ARHGEF28: variants seen among roughly 807,000 people sequenced by gnomAD.
ARHGEF28 encodes 190 kDa guanine nucleotide exchange factor.
A neutral mutation model predicts 206.6 loss-of-function variants in ARHGEF28; 152 were observed. That is an observed-to-expected ratio of 0.74 (90% CI 0.64 to 0.84). The LOEUF (loss-of-function observed/expected upper bound fraction) is 0.84, where lower values mean the gene tolerates loss of function less well. Ranked by LOEUF, ARHGEF28 falls within the 40% of genes least tolerant of loss-of-function variation. ARHGEF28 has a pLI of 0.00. For synonymous variants in ARHGEF28, 763 were observed against 776.4 expected, an observed-to-expected ratio of 0.98 and a Z score of 0.29; for missense variants, 2,028 against 2,073.2, an observed-to-expected ratio of 0.98 and a Z score of 0.42.
intron 9 of ARHGEF28, among the ~76,000 whole-genome samples, chr5:73,819,109 C>A (rs1580662306): frequency 6.6e-6 from 1 of 152,106 alleles, no homozygotes; most frequent in Non-Finnish European, 1.5e-5. Flanking sequence ...GCAGGATGTT[C>A]CTTCTAAGCA....
At chr5:73,653,897 T>C (rs537674692) in intron 1 of ARHGEF28, among the ~76,000 whole-genome samples, 1 of 152,194 alleles carries the variant, frequency 6.6e-6, no homozygotes, top group Non-Finnish European at 1.5e-5. Context: ...ATATGTGGTA[T>C]GCAGGGATAC....
chr5:73,720,020 C>T (rs945444869), intron 2 of ARHGEF28, among the ~76,000 whole-genome samples: 1 of 152,144 alleles, frequency 6.6e-6, no homozygotes, highest in Non-Finnish European at 1.5e-5. Context: ...GCACAGATTC[C>T]AATATTAATT....
Position 73,882,580 on chromosome 5 carries a change from C to A in ARHGEF28, c.2923C>A (p.Gln975Lys). ...AGAACTCCAGCAGAATAAAAAGTTT[C>A]AGAATTTTATTAAGGCAAGTATTTT... ...FKELQQNKKF[Q>K]NFIKLRNSNL... Residue 975 changes from glutamine to lysine, a missense_variant, in exon 23 of 36, where the codon CAG becomes AAG. Around this residue, in one of 3 missense-constraint regions of ARHGEF28, gnomAD observed 223 missense variants for 289.9 expected, o/e 0.77. Transcript: ENST00000513042. 1 of 1,494,170 alleles carries A rather than the reference C, an allele frequency of 6.7e-7. No individual in the cohort carries two copies. Among genetic ancestry groups the A allele is most frequent in the South Asian group, 1.3e-5 (1 of 74,768 alleles). 92.6% of individuals were successfully genotyped at this position (1,494,170 alleles called of 1,614,324 possible).
At chr5:73,702,954 G>T (rs780789032) in intron 2 of ARHGEF28, among the ~76,000 whole-genome samples, 1 of 152,180 alleles carries the variant, frequency 6.6e-6, no homozygotes, top group African/African-American at 2.4e-5. Flanking sequence ...AGTTGAGATA[G>T]CAAGAGTTTA....
chr5:73,876,124 G>A (rs1178921186), intron 22 of ARHGEF28, among the ~76,000 whole-genome samples: 2 of 149,696 alleles, frequency 1.3e-5, no homozygotes, highest in African/African-American at 5.0e-5. Context: ...TCTCCTTGAA[G>A]AGGTGCTTCA....
At chr5:73,732,398 A>T (rs1580539068) in intron 2 of ARHGEF28, among the ~76,000 whole-genome samples, 2 of 150,946 alleles carry the variant, frequency 1.3e-5, no homozygotes, top group African/African-American at 4.9e-5. Context: ...TCATGACTTG[A>T]TAGCTCATTT....
intron 2 of ARHGEF28, among the ~76,000 whole-genome samples, chr5:73,701,771 AGTT>A (rs1201930043): frequency 6.6e-6 from 1 of 152,100 alleles, no homozygotes; most frequent in East Asian, 1.9e-4. Flanking sequence ...AGAAACAACC[AGTT>A]GTTGTGCGTA....
At chr5:73,763,183 G>A (rs1752702904) in intron 4 of ARHGEF28, among the ~76,000 whole-genome samples, 1 of 151,994 alleles carries the variant, frequency 6.6e-6, no homozygotes, top group African/African-American at 2.4e-5. Context: ...CTCCAGATAT[G>A]GCAGCATCTT....
rs1262293484 is a variant in ARHGEF28 at position 73,893,301 on chromosome 5, C to A, written c.3658+13C>A. The stretch of plus-strand genomic sequence containing the variant: ...CAGCAATGTCAAGGTACAGTGCAGG[C>A]ACTTCTGGCTCCCTGGTCGTGGTGT... On this transcript the variant is annotated intron_variant, in intron 28 of 35. Coordinates refer to ENST00000513042, the MANE Select transcript of ARHGEF28 (RefSeq NM_001177693.2). The A allele has an allele frequency of 1.3e-6, 2 of 1,534,084 alleles. No individual in the cohort carries two copies. The highest frequency in any genetic ancestry group is 4.1e-5 in the Admixed American group (2 of 48,560).
At chr5:73,714,498 A>G (rs564965538) in intron 2 of ARHGEF28, among the ~76,000 whole-genome samples, 2 of 152,314 alleles carry the variant, frequency 1.3e-5, no homozygotes, top group East Asian at 1.9e-4. Flanking sequence ...AATGCCCAGG[A>G]AAGTCCAAGG....
chr5:73,719,869 C>T (rs1018766861), intron 2 of ARHGEF28, among the ~76,000 whole-genome samples: 23 of 152,182 alleles, frequency 1.5e-4, no homozygotes, highest in African/African-American at 5.3e-4. Flanking sequence ...CTAGTGTAAT[C>T]GAGGCAAGGC....
intron 2 of ARHGEF28, among the ~76,000 whole-genome samples, chr5:73,731,221 T>G (rs60832979): frequency 0.025 from 3,756 of 152,240 alleles, 146 homozygotes; most frequent in African/African-American, 0.086. Flanking sequence ...TCAAAAGGTT[T>G]GGAGTTGTAT....
At position 73,671,719 on chromosome 5, in the gene ARHGEF28, TATATATATATATATATATA is replaced by T. The variant is rs1339943185; in HGVS notation, c.-11-13121_-11-13103del. Among the ~76,000 whole-genome samples, 88 of 11,482 alleles carry T rather than the reference TATATATATATATATATATA, an allele frequency of 7.7e-3. 1 individual carries two copies. The highest frequency in any genetic ancestry group is 0.031 in the African/African-American group (80 of 2,550). The allele number at this position is 11,482 out of a possible 152,430, so 7.5% of individuals were successfully genotyped here. A position where few individuals can be genotyped will look rare whatever the true frequency, so the allele number is the denominator to read the frequency against. On this transcript the variant is annotated intron_variant, in intron 1 of 35. Transcript: ENST00000513042. ...TTATATATATATATATATATATATA[TATATATATATATATATATA>T]TTTTTTTTTTTTTTTTTTTTTTTTT...
At position 73,898,072 on chromosome 5, in the gene ARHGEF28, G is replaced by C; in HGVS notation, c.3952G>C (p.Val1318Leu). 1 of 1,612,224 alleles carries C rather than the reference G, an allele frequency of 6.2e-7. No homozygotes were observed. Among genetic ancestry groups the C allele is most frequent in the Non-Finnish European group, 8.5e-7 (1 of 1,179,222 alleles). ...GGCGGACACACTCAGTTCTCATGAT[G>C]TACCAGGATCACCGACTGCCTGTAA... ...VLADTLSSHD[V>L]PGSPTASLVT... Residue 1318 changes from valine (V) to leucine (L), a missense_variant, in exon 30 of 36, where the codon GTA (valine) becomes CTA (leucine). Val to Leu is a conservative substitution (Grantham distance 32, BLOSUM62 1). Coordinates refer to ENST00000513042, the MANE Select transcript of ARHGEF28 (RefSeq NM_001177693.2).
chr5:73,780,947 C>A (rs146816051), intron 7 of ARHGEF28, among the ~76,000 whole-genome samples: 80 of 152,320 alleles, frequency 5.3e-4, no homozygotes, highest in Middle Eastern at 3.4e-3. Flanking sequence ...CTCCATTTAA[C>A]TGGAATGTCC....
chr5:73,899,051 T>G, intron 30 of ARHGEF28: 1 of 117,150 alleles, frequency 8.5e-6, no homozygotes, highest in Non-Finnish European at 1.8e-5. Flanking sequence ...AATTCTATAC[T>G]TCTTTTTTTT....
chr5:73,761,599 G>C (rs975653650), intron 4 of ARHGEF28, among the ~76,000 whole-genome samples: 1 of 152,118 alleles, frequency 6.6e-6, no homozygotes, highest in Non-Finnish European at 1.5e-5. Flanking sequence ...CCTTGGTGTG[G>C]GGATGAAGCT....
intron 35 of ARHGEF28, among the ~76,000 whole-genome samples, chr5:73,928,132 GA>G (rs1269976148): frequency 1.3e-5 from 2 of 152,166 alleles, no homozygotes; most frequent in African/African-American, 4.8e-5. Flanking sequence ...TGATAAAGAG[GA>G]AAAAACAATC....
intron 1 of ARHGEF28, among the ~76,000 whole-genome samples, chr5:73,669,053 C>A (rs962048508): frequency 2.6e-5 from 4 of 152,106 alleles, no homozygotes; most frequent in Non-Finnish European, 1.5e-5. Flanking sequence ...TTAGCAATTT[C>A]TTTGTATTTG....
Sources: gnomAD v4.1 joint callset for allele counts (sites outside exome capture counted in the v4.1 genomes callset) on GRCh38, gnomAD v4.1.1 for gene constraint, gnomAD v4.1.1 regional missense constraint, MANE v1.5 for transcripts, NCBI Gene and HGNC (gene_info 2026-07-23, HGNC 2026-07-21) for gene names.